GLIS3: variants seen among roughly 807,000 people sequenced by gnomAD.
GLIS3 encodes the protein GLIS family zinc finger 3.
GLIS3 carries 53 observed loss-of-function variants against 78.6 expected under a neutral mutation model. The observed-to-expected ratio is 0.67, with a 90% CI of 0.54 to 0.85. The LOEUF (loss-of-function observed/expected upper bound fraction) is 0.85. Ranked by LOEUF, GLIS3 falls within the 40% of genes least tolerant of loss-of-function variation. GLIS3 has a pLI of 0.00. For missense variants in GLIS3, 1,703 were observed against 1,231.1 expected, an observed-to-expected ratio of 1.38 and a Z score of -5.74; for synonymous variants, 684 against 509.9, an observed-to-expected ratio of 1.34 and a Z score of -4.60.
chr9:4,318,765 G>A (rs1357176263), intron 2 of GLIS3, among the ~76,000 whole-genome samples: 1 of 152,142 alleles, frequency 6.6e-6, no homozygotes, highest in African/African-American at 2.4e-5. Flanking sequence ...GAAGATGACA[G>A]TCTTCAAAAG....
At chr9:3,831,170 A>AG (rs34312017) in intron 9 of GLIS3, among the ~76,000 whole-genome samples, 20,883 of 151,788 alleles carry the variant, frequency 0.14, 1,563 homozygotes, top group South Asian at 0.28. Context: ...ACGGTTTGGA[A>AG]GAAGATTAAA....
At chr9:4,395,007 T>C in the GLIS3 span, among the ~76,000 whole-genome samples, 2 of 152,230 alleles carry the variant, frequency 1.3e-5, no homozygotes, top group African/African-American at 2.4e-5. Flanking sequence ...TAATTGCTGA[T>C]TTAAAAATTC....
rs765745201 is a variant in GLIS3, at chr9:4,187,828, A to AT, written c.389-61888dup. The stretch of plus-strand genomic sequence containing the variant: ...TTATTGGTGTATAAGAATGCTTGTG[A>AT]TTTTTGCACATTGATTTTGTATCCT... On this transcript the variant is annotated intron_variant, in intron 2 of 10. Transcript: ENST00000381971. Among the ~76,000 whole-genome samples, 127 of 152,136 alleles carry AT rather than the reference A, an allele frequency of 8.3e-4. 1 individual carries two copies. Among genetic ancestry groups the AT allele is most frequent in the Non-Finnish European group, 1.4e-3 (98 of 68,002 alleles).
the GLIS3 span, among the ~76,000 whole-genome samples, chr9:4,477,001 C>T: frequency 9.9e-5 from 15 of 152,138 alleles, no homozygotes; most frequent in African/African-American, 3.1e-4. Context: ...GAAAACAGTA[C>T]GGCAGTTCCT....
chr9:3,828,251 C>T lies in GLIS3; in HGVS notation c.*21G>A, dbSNP rs1389691283. ...AAGCAACATCAAGGTCCTGGGTGTGCAGGAGTGGCCAAGAGAGCTTTTAGC... is the reference window on the plus strand; with the variant it reads ...AAGCAACATCAAGGTCCTGGGTGTGTAGGAGTGGCCAAGAGAGCTTTTAGC... On this transcript the variant is annotated 3_prime_UTR_variant, in exon 11 of 11. Coordinates refer to ENST00000381971, the MANE Select transcript of GLIS3 (RefSeq NM_001042413.2). 6.2e-7 allele frequency: 1 copy of T among 1,613,736 alleles called. No individual in the cohort carries two copies. Among genetic ancestry groups the T allele is most frequent in the Non-Finnish European group, 8.5e-7 (1 of 1,179,936 alleles).
chr9:4,332,229 C>T (rs897430252), intron 2 of GLIS3, among the ~76,000 whole-genome samples: 4 of 152,202 alleles, frequency 2.6e-5, no homozygotes, highest in African/African-American at 9.7e-5. Flanking sequence ...AACACACTGA[C>T]CCTAATAGTC....
At chr9:4,213,615 C>G (rs1820559134) in intron 2 of GLIS3, among the ~76,000 whole-genome samples, 1 of 152,088 alleles carries the variant, frequency 6.6e-6, no homozygotes, top group Non-Finnish European at 1.5e-5. Flanking sequence ...CTAGAGACTA[C>G]CATATTGAAC....
At chr9:4,294,589 CAATA>C (rs1016429119) in intron 1 of GLIS3, among the ~76,000 whole-genome samples, 2 of 152,040 alleles carry the variant, frequency 1.3e-5, no homozygotes, top group African/African-American at 4.8e-5. Context: ...CAAAAGGACC[CAATA>C]AATGTTATTT....
intron 2 of GLIS3, among the ~76,000 whole-genome samples, chr9:4,257,869 G>A (rs974460317): frequency 1.3e-4 from 20 of 151,936 alleles, no homozygotes; most frequent in South Asian, 8.3e-4. Flanking sequence ...CATTGCGCCC[G>A]GCCAACATGT....
chr9:4,301,818 GA>G (rs1225946291), upstream of GLIS3, among the ~76,000 whole-genome samples: 1 of 151,952 alleles, frequency 6.6e-6, no homozygotes, highest in African/African-American at 2.4e-5. Context: ...ATAGCTCATG[GA>G]AAAAAACACT....
the GLIS3 span, among the ~76,000 whole-genome samples, chr9:4,366,135 T>C: frequency 1.3e-5 from 2 of 152,128 alleles, no homozygotes; most frequent in African/African-American, 2.4e-5. Flanking sequence ...GGACAGAGGA[T>C]ATAAAGGGAA....
At chr9:4,275,962 G>C (rs1826942951) in intron 2 of GLIS3, among the ~76,000 whole-genome samples, 2 of 152,028 alleles carry the variant, frequency 1.3e-5, no homozygotes, top group East Asian at 2.0e-4. Flanking sequence ...CAAGTCCAAG[G>C]CTGTTCCCCT....
At chr9:4,398,208 G>A in the GLIS3 span, among the ~76,000 whole-genome samples, 3 of 141,284 alleles carry the variant, frequency 2.1e-5, no homozygotes, top group African/African-American at 8.1e-5. Flanking sequence ...TCACAAAATT[G>A]CTGAGGCATA....
At chr9:3,986,663 C>T (rs907841283) in intron 4 of GLIS3, among the ~76,000 whole-genome samples, 18 of 152,236 alleles carry the variant, frequency 1.2e-4, no homozygotes, top group African/African-American at 4.3e-4. Context: ...AGTCATCTGG[C>T]GGCCTGACTG....
the GLIS3 span, among the ~76,000 whole-genome samples, chr9:4,423,491 A>G: frequency 6.6e-6 from 1 of 152,152 alleles, no homozygotes; most frequent in African/African-American, 2.4e-5. Context: ...TTCCCAATGA[A>G]AAATGACACC....
chr9:3,910,312 T>C (rs542253928), intron 6 of GLIS3, among the ~76,000 whole-genome samples: 3 of 152,344 alleles, frequency 2.0e-5, no homozygotes, highest in East Asian at 1.9e-4. Flanking sequence ...CCCCTCTTAG[T>C]GGGTTTTTCT....
chr9:4,070,254 C>T (rs1827473877), intron 4 of GLIS3, among the ~76,000 whole-genome samples: 1 of 152,172 alleles, frequency 6.6e-6, no homozygotes, highest in African/African-American at 2.4e-5. Flanking sequence ...CCATTCTGAG[C>T]TGAATTCCCC....
the GLIS3 span, among the ~76,000 whole-genome samples, chr9:4,449,155 C>G: frequency 1.2e-4 from 19 of 152,312 alleles, no homozygotes; most frequent in Non-Finnish European, 2.1e-4. Flanking sequence ...AAACGGCACA[C>G]CAGGAGATTA....
the GLIS3 span, among the ~76,000 whole-genome samples, chr9:4,452,979 A>T: frequency 6.6e-6 from 1 of 152,182 alleles, no homozygotes; most frequent in African/African-American, 2.4e-5. Flanking sequence ...AGACCAATGG[A>T]ACAGAACAGA....
Sources: gnomAD v4.1 joint callset for allele counts (sites outside exome capture counted in the v4.1 genomes callset) on GRCh38, gnomAD v4.1.1 for gene constraint, MANE v1.5 for transcripts, NCBI Gene and HGNC (gene_info 2026-07-23, HGNC 2026-07-21) for gene names.